Variants in ABCA13 observed in about 807,000 individuals in gnomAD.
The protein encoded by ABCA13 is ATP-binding cassette sub-family A member 13.
ABCA13 carries 476 observed loss-of-function variants against 478.7 expected under a neutral mutation model. That is an observed-to-expected ratio of 0.99 (90% confidence interval 0.92 to 1.07). The LOEUF is 1.07. Ranked by LOEUF, ABCA13 falls within the 50% of genes least tolerant of loss-of-function variation. ABCA13 has a pLI of 0.00. For missense variants in ABCA13, 6,060 were observed against 5,910.6 expected (o/e 1.03, Z -0.83); for synonymous variants, 2,252 against 2,158.9 (o/e 1.04, Z -1.20).
chr7:48,178,076 G>T (rs1795126434), intron 1 of ABCA13, among the ~76,000 whole-genome samples: 1 of 152,124 alleles, frequency 6.6e-6, no homozygotes, highest in Non-Finnish European at 1.5e-5. Context: ...GTTTGGGGTT[G>T]GTTGGTTTTT....
intron 45 of ABCA13, among the ~76,000 whole-genome samples, chr7:48,474,603 G>T (rs1315835235): frequency 1.3e-5 from 2 of 152,150 alleles, no homozygotes; most frequent in African/African-American, 2.4e-5. Context: ...ATTCCAAAGA[G>T]AATTGGAATG....
intron 58 of ABCA13, among the ~76,000 whole-genome samples, chr7:48,614,651 A>G (rs558010473): frequency 9.3e-5 from 14 of 150,762 alleles, no homozygotes; most frequent in African/African-American, 3.1e-4. Context: ...TCCAACAATG[A>G]TAGACTGGAT....
At chr7:48,523,044 T>G (rs750358106) in intron 53 of ABCA13, among the ~76,000 whole-genome samples, 2 of 152,176 alleles carry the variant, frequency 1.3e-5, no homozygotes, top group Non-Finnish European at 2.9e-5. Flanking sequence ...TTGAACACAT[T>G]GATGTAGCCC....
rs146408288 is a variant in ABCA13, at chr7:48,249,867, C to T, written c.2005+516C>T. Among the ~76,000 whole-genome samples, 83 of 152,342 alleles carry T rather than the reference C, an allele frequency of 5.4e-4. 1 individual carries two copies. Among genetic ancestry groups the T allele is most frequent in the African/African-American group, 1.9e-3 (78 of 41,576 alleles). Reference sequence around the variant, plus strand: ...GCAATTCTCCACTTCTCCATTGACACTAACTGGGTGTCCTACAATTCGATT... The same window carrying T: ...GCAATTCTCCACTTCTCCATTGACATTAACTGGGTGTCCTACAATTCGATT... On this transcript the variant is annotated intron_variant, in intron 15 of 61. Transcript: ENST00000435803.
chr7:48,374,380 G>A lies in ABCA13; in HGVS notation c.11167G>A (p.Val3723Ile), dbSNP rs529853648. 3 of 1,610,624 alleles carry A rather than the reference G, an allele frequency of 1.9e-6. No individual in the cohort carries two copies. Among genetic ancestry groups the A allele is most frequent in the Non-Finnish European group, 8.5e-7 (1 of 1,178,614 alleles). ...TTCGACAACCGCCTTTGGACAAGGG[G>A]TATTTTTTATTACATTCCTGGAAGG... ...LLSTTAFGQG[V>I]FFITFLEGQE... The change falls in exon 34 of 62, where the codon GTA (valine) becomes ATA (isoleucine). Residue 3723 changes from valine to isoleucine, a missense_variant. Physicochemically the swap from Val to Ile is conservative, Grantham distance 29. Around this residue, in one of 3 missense-constraint regions of ABCA13, gnomAD observed 4,423 missense variants for 4,309.1 expected, o/e 1.03. Transcript: ENST00000435803.
At chr7:48,597,478 T>A (rs895528849) in intron 58 of ABCA13, among the ~76,000 whole-genome samples, 6 of 152,264 alleles carry the variant, frequency 3.9e-5, no homozygotes, top group African/African-American at 1.4e-4. Context: ...TAGATTTTTC[T>A]GAGTCAAGTT....
intron 42 of ABCA13, among the ~76,000 whole-genome samples, chr7:48,433,753 T>C (rs1822464256): frequency 1.3e-5 from 2 of 152,082 alleles, no homozygotes; most frequent in South Asian, 4.1e-4. Flanking sequence ...CTACCTCATA[T>C]AAATGGTATC....
chr7:48,540,881 A>G (rs1050142027), intron 55 of ABCA13, among the ~76,000 whole-genome samples: 3 of 152,128 alleles, frequency 2.0e-5, no homozygotes, highest in South Asian at 2.1e-4. Flanking sequence ...ATTATTTTCT[A>G]TTCTCTGTAG....
intron 58 of ABCA13, among the ~76,000 whole-genome samples, chr7:48,613,274 C>T (rs1340236635): frequency 5.3e-5 from 8 of 151,884 alleles, no homozygotes; most frequent in African/African-American, 9.7e-5. Context: ...CTGCAACCTC[C>T]GCCTCCCGGG....
chr7:48,643,312 A>C lies in ABCA13; in HGVS notation c.14862A>C (p.Lys4954Asn). 1 of 1,611,674 alleles carries C rather than the reference A, an allele frequency of 6.2e-7. No homozygotes were observed. The highest frequency in any genetic ancestry group is 8.5e-7 in the Non-Finnish European group (1 of 1,179,076). The change falls in exon 60 of 62, where the codon AAA becomes AAC. Residue 4954 changes from lysine to asparagine, a missense_variant. Physicochemically the swap from Lys to Asn is moderately conservative, Grantham distance 94 (BLOSUM62 0). Around this residue, in one of 3 missense-constraint regions of ABCA13, gnomAD observed 1,627 missense variants for 1,571.0 expected, o/e 1.04. Coordinates refer to ENST00000435803, the MANE Select transcript of ABCA13 (RefSeq NM_152701.5). ...KNRFGDGYTVKVWLCKEANQH... is the reference protein window; with the variant it reads ...KNRFGDGYTVNVWLCKEANQH... ...GGTTTGGTGATGGTTATACAGTCAA[A>C]GTTTGGCTCTGTAAGGAAGCAAATC...
chr7:48,498,997 C>A (rs953429250), intron 48 of ABCA13, among the ~76,000 whole-genome samples: 2 of 152,082 alleles, frequency 1.3e-5, no homozygotes, highest in African/African-American at 4.8e-5. Context: ...AGAGAAAATT[C>A]TCAACAGAAT....
At position 48,397,749 on chromosome 7, in the gene ABCA13, GA is replaced by G. The variant is rs551144951; in HGVS notation, c.11873+5615del. Among the ~76,000 whole-genome samples the G allele has an allele frequency of 1.5e-4, 23 of 152,302 alleles. No homozygotes were observed. In the South Asian group the frequency reaches 4.6e-3, roughly 30 times the overall value. On this transcript the variant is annotated intron_variant, in intron 38 of 61. Coordinates refer to ENST00000435803, the MANE Select transcript of ABCA13 (RefSeq NM_152701.5). ...CAGCTATACTATAAATGCATGTGTG[GA>G]AAAAGCCAAATCTCCTTCTGGATGG...
intron 42 of ABCA13, among the ~76,000 whole-genome samples, chr7:48,447,181 G>C (rs895825611): frequency 9.2e-5 from 14 of 152,164 alleles, no homozygotes; most frequent in African/African-American, 2.9e-4. Context: ...CCTCAAAAGT[G>C]GGTAATGCAG....
chr7:48,187,548 C>T (rs1378945032), intron 1 of ABCA13, among the ~76,000 whole-genome samples: 5 of 151,764 alleles, frequency 3.3e-5, no homozygotes, highest in Non-Finnish European at 7.4e-5. Context: ...CTTTGTTTTT[C>T]AAATATATTA....
intron 15 of ABCA13, among the ~76,000 whole-genome samples, chr7:48,260,272 TAC>T (rs1251647140): frequency 6.6e-6 from 1 of 152,064 alleles, no homozygotes; most frequent in African/African-American, 2.4e-5. Flanking sequence ...GTAATTTGAA[TAC>T]AGTCAGTTGA....
chr7:48,389,216 A>G lies in ABCA13; in HGVS notation c.11650A>G (p.Ile3884Val), dbSNP rs769431020. Residue 3884 changes from isoleucine (I) to valine (V), a missense_variant, in exon 37 of 62, where the codon ATC becomes GTC. By Grantham distance (29) the Ile-to-Val change is conservative. Around this residue, in one of 3 missense-constraint regions of ABCA13, gnomAD observed 1,627 missense variants for 1,571.0 expected, o/e 1.04. Coordinates refer to ENST00000435803, the MANE Select transcript of ABCA13 (RefSeq NM_152701.5). ...LGTNGAGKTTIISMLTGLHPP... is the reference protein window; with the variant it reads ...LGTNGAGKTTVISMLTGLHPP... ...GACAAACGGTGCCGGGAAAACCACTATCATGTGGGTCCCATTTTACCCTTA... is the reference window on the plus strand; with the variant it reads ...GACAAACGGTGCCGGGAAAACCACTGTCATGTGGGTCCCATTTTACCCTTA... The G allele has an allele frequency of 3.1e-6, 5 of 1,612,678 alleles. No individual in the cohort carries two copies. Among genetic ancestry groups the G allele is most frequent in the East Asian group, 4.5e-5 (2 of 44,818 alleles).
chr7:48,544,377 G>C (rs1163451010), intron 55 of ABCA13, among the ~76,000 whole-genome samples: 1 of 151,792 alleles, frequency 6.6e-6, no homozygotes, highest in Non-Finnish European at 1.5e-5. Flanking sequence ...CTTCAGGATG[G>C]GGCTGGTCAC....
At chr7:48,495,361 T>C (rs1830183725) in intron 48 of ABCA13, among the ~76,000 whole-genome samples, 1 of 152,206 alleles carries the variant, frequency 6.6e-6, no homozygotes, top group Non-Finnish European at 1.5e-5. Context: ...GTGGTCTTTC[T>C]GTTACTGATT....
intron 57 of ABCA13, among the ~76,000 whole-genome samples, chr7:48,593,248 G>C (rs1408225924): frequency 7.0e-6 from 1 of 142,746 alleles, no homozygotes; most frequent in Admixed American, 7.0e-5. Context: ...TCTTTTGTGT[G>C]TGTGTGTGTG....
Sources: allele counts gnomAD v4.1 joint callset (sites outside exome capture counted in the v4.1 genomes callset), GRCh38; gene constraint gnomAD v4.1.1; regional missense constraint gnomAD v4.1.1; transcripts MANE v1.5; gene names NCBI Gene and HGNC (gene_info 2026-07-23, HGNC 2026-07-21).